The following NXPH1 variants were observed in gnomAD, a reference collection of about 807,000 sequenced individuals.
The protein encoded by NXPH1 is neurexophilin 1, also known as neurexophilin-1.
NXPH1 carries 5 observed loss-of-function variants against 23.7 expected under a neutral mutation model. That is an observed-to-expected ratio of 0.21 (90% CI 0.11 to 0.44). NXPH1 has a LOEUF of 0.44. Ranked by LOEUF, NXPH1 falls within the 20% of genes least tolerant of loss-of-function variation. The pLI is 0.99. For synonymous variants in NXPH1, 144 were observed against 122.2 expected, an observed-to-expected ratio of 1.18 and a Z score of -1.18; for missense variants, 324 against 321.6, an observed-to-expected ratio of 1.01 and a Z score of -0.06.
chr7:8,460,334 A>G (rs1816671851), intron 2 of NXPH1, among the ~76,000 whole-genome samples: 1 of 152,192 alleles, frequency 6.6e-6, no homozygotes, highest in South Asian at 2.1e-4. Flanking sequence ...AGATGAAAGT[A>G]AAGAGGGACT....
chr7:8,494,885 G>A (rs1817310384), intron 2 of NXPH1, among the ~76,000 whole-genome samples: 2 of 152,070 alleles, frequency 1.3e-5, no homozygotes. Context: ...TCAGAGACCT[G>A]AGTTCTAATC....
At chr7:8,439,456 T>G (rs1427696041) in intron 2 of NXPH1, among the ~76,000 whole-genome samples, 2 of 152,176 alleles carry the variant, frequency 1.3e-5, no homozygotes, top group African/African-American at 4.8e-5. Flanking sequence ...AAAAAGCTAC[T>G]CAGAAATTGA....
intron 2 of NXPH1, among the ~76,000 whole-genome samples, chr7:8,492,775 A>G (rs1184172058): frequency 6.6e-6 from 1 of 151,948 alleles, no homozygotes; most frequent in Non-Finnish European, 1.5e-5. Flanking sequence ...CTTAGAACTA[A>G]TGCCATGGAA....
In NXPH1 at chr7:8,626,367, C is replaced by G. The variant is rs111396188; in HGVS notation, c.55-124641C>G. The stretch of plus-strand genomic sequence containing the variant: ...TTCTGATGTGTCAGTGGGATATACT[C>G]ATTGTCATGCAGTTTACTTTTTTTT... On this transcript the variant is annotated intron_variant, in intron 2 of 2. Coordinates refer to ENST00000405863, the MANE Select transcript of NXPH1 (RefSeq NM_152745.3). Among the ~76,000 whole-genome samples the G allele has an allele frequency of 2.3e-3, 349 of 151,226 alleles. 2 individuals carry two copies. The highest frequency in any genetic ancestry group is 7.9e-3 in the African/African-American group (325 of 41,226).
chr7:8,750,946 A>G (rs1780553250), intron 2 of NXPH1, 62 bp from the exon 3 acceptor site: 1 of 1,474,766 alleles, frequency 6.8e-7, no homozygotes, highest in Non-Finnish European at 9.4e-7. Flanking sequence ...GCTTAGATCT[A>G]TGCATTGGGT....
intron 2 of NXPH1, among the ~76,000 whole-genome samples, chr7:8,668,011 T>C (rs1017649853): frequency 1.3e-5 from 2 of 151,798 alleles, no homozygotes; most frequent in Non-Finnish European, 2.9e-5. Context: ...TGTTGTTGTT[T>C]AGTTCATTAT....
At position 8,587,828 on chromosome 7, in the gene NXPH1, T is replaced by A. The variant is rs932908690; in HGVS notation, c.54+152061T>A. The stretch of plus-strand genomic sequence containing the variant: ...AAGGACATGAACTCATCCTTTTTTA[T>A]GGCTGTGTGGTATTCCATGGTGTAT... On this transcript the variant is annotated intron_variant, in intron 2 of 2. Coordinates refer to ENST00000405863, the MANE Select transcript of NXPH1 (RefSeq NM_152745.3). Among the ~76,000 whole-genome samples the A allele has an allele frequency of 2.0e-5, 3 of 152,190 alleles. No homozygotes were observed. The East Asian group carries it at 5.8e-4, about 29-fold the overall frequency.
intron 2 of NXPH1, among the ~76,000 whole-genome samples, chr7:8,656,184 A>G (rs373950839): frequency 1.1e-3 from 167 of 152,358 alleles, no homozygotes; most frequent in African/African-American, 4.0e-3. Flanking sequence ...AACGTAGCAA[A>G]GGCAAAATAT....
intron 2 of NXPH1, among the ~76,000 whole-genome samples, chr7:8,504,542 C>T (rs548141830): frequency 6.6e-6 from 1 of 152,136 alleles, no homozygotes; most frequent in African/African-American, 2.4e-5. Flanking sequence ...CAGTTTCTAT[C>T]TCTTAGTCAT....
chr7:8,448,938 C>T (rs1427276900), intron 2 of NXPH1, among the ~76,000 whole-genome samples: 2 of 151,926 alleles, frequency 1.3e-5, no homozygotes, highest in Non-Finnish European at 2.9e-5. Context: ...GATGAGAATC[C>T]TTGTGATGTT....
intron 2 of NXPH1, among the ~76,000 whole-genome samples, chr7:8,717,139 C>T (rs1177157669): frequency 1.3e-5 from 2 of 152,132 alleles, no homozygotes; most frequent in Non-Finnish European, 2.9e-5. Context: ...ACTTTTCTTC[C>T]CTTAGTAGGT....
chr7:8,611,158 A>AT (rs1819610786), intron 2 of NXPH1, among the ~76,000 whole-genome samples: 1 of 152,140 alleles, frequency 6.6e-6, no homozygotes, highest in South Asian at 2.1e-4. Context: ...TGATATTTTG[A>AT]TACATGTATA....
Position 8,752,204 on chromosome 7 carries a change from G to A in NXPH1, c.*435G>A, listed in dbSNP as rs749035587. 1.4e-4 allele frequency: 24 copies of A among 165,750 alleles called. No homozygotes were observed. The highest frequency in any genetic ancestry group is 2.7e-4 in the Non-Finnish European group (20 of 74,908). The allele number at this position is 165,750 out of a possible 1,614,324, so 10.3% of individuals were successfully genotyped here. On this transcript the variant is annotated 3_prime_UTR_variant, in exon 3 of 3. Coordinates refer to ENST00000405863, the MANE Select transcript of NXPH1 (RefSeq NM_152745.3). ...ATCTCTTTTAAAGTCTTGAGTACAT[G>A]CTAATCAATAATCTCCACTCATGCA...
rs534211258 is a variant in NXPH1 at position 8,523,932 on chromosome 7, C to T, written c.54+88165C>T. Among the ~76,000 whole-genome samples, 5 of 152,214 alleles carry T rather than the reference C, an allele frequency of 3.3e-5. 1 individual carries two copies. The highest frequency in any genetic ancestry group is 2.1e-4 in the South Asian group (1 of 4,824). On this transcript the variant is annotated intron_variant, in intron 2 of 2. Coordinates refer to ENST00000405863, the MANE Select transcript of NXPH1 (RefSeq NM_152745.3). ...CGTGAGAGAAAACACTAGTGTTTCT[C>T]GTGTGTCAAGGATACAGGAAAGCTA...
chr7:8,660,614 G>T (rs1363398664), intron 2 of NXPH1, among the ~76,000 whole-genome samples: 1 of 152,028 alleles, frequency 6.6e-6, no homozygotes, highest in African/African-American at 2.4e-5. Flanking sequence ...GAAATGAATT[G>T]GACAAAAGTA....
chr7:8,730,488 C>T (rs1458946946), intron 2 of NXPH1, among the ~76,000 whole-genome samples: 35 of 152,024 alleles, frequency 2.3e-4, no homozygotes, highest in Admixed American at 2.1e-3. Flanking sequence ...CCGGTTGTTC[C>T]TTTCCATGTT....
At chr7:8,626,382 T>A (rs1307200322) in intron 2 of NXPH1, among the ~76,000 whole-genome samples, 3 of 151,366 alleles carry the variant, frequency 2.0e-5, no homozygotes, top group Admixed American at 2.0e-4. Context: ...TCATGCAGTT[T>A]ACTTTTTTTT....
chr7:8,709,211 T>C (rs1049676953), intron 2 of NXPH1, among the ~76,000 whole-genome samples: 4 of 152,362 alleles, frequency 2.6e-5, no homozygotes, highest in African/African-American at 7.2e-5. Context: ...TTTGGCAGTG[T>C]GTGCTACCAC....
In NXPH1 at chr7:8,671,397, G is replaced by C. The variant is rs546296583; in HGVS notation, c.55-79611G>C. On this transcript the variant is annotated intron_variant, in intron 2 of 2. Transcript: ENST00000405863. ...ATTGCCAATATGATGTTTGGTTTCA[G>C]AGACTTTCTGTCTCATGTATTTGCC... Among the ~76,000 whole-genome samples the C allele has an allele frequency of 2.6e-5, 4 of 152,266 alleles. No individual in the cohort carries two copies. In the South Asian group the frequency reaches 8.3e-4, roughly 32 times the overall value.
Sources: allele counts gnomAD v4.1 joint callset (sites outside exome capture counted in the v4.1 genomes callset), GRCh38; gene constraint gnomAD v4.1.1; transcripts MANE v1.5; gene names NCBI Gene and HGNC (gene_info 2026-07-23, HGNC 2026-07-21).